Variants in C12orf56 observed in about 807,000 individuals in gnomAD.
C12orf56 encodes the protein uncharacterized protein C12orf56.
In C12orf56, 71 loss-of-function variants were observed where a neutral mutation model predicts 69.9. The observed-to-expected ratio is 1.02, with a 90% CI of 0.84 to 1.24. The LOEUF (loss-of-function observed/expected upper bound fraction) is 1.24, where lower values mean the gene tolerates loss of function less well. Among genes scored for constraint, C12orf56 ranks in the 50% most tolerant of loss-of-function variants. The probability of loss-of-function intolerance (pLI) is 0.00; values close to 1 mark genes in which losing one functional copy is unlikely to be tolerated. For synonymous variants in C12orf56, 276 were observed against 274.1 expected, an observed-to-expected ratio of 1.01 and a Z score of -0.07; for missense variants, 732 against 738.5, an observed-to-expected ratio of 0.99 and a Z score of 0.10.
chr12:64,275,356 A>C lies in C12orf56; in HGVS notation c.1451T>G (p.Leu484Arg). Residue 484 changes from leucine to arginine, a missense_variant, in exon 10 of 13, where the codon CTG becomes CGG. Leu to Arg is a moderately radical substitution (Grantham distance 102). Coordinates refer to ENST00000543942, the MANE Select transcript of C12orf56 (RefSeq NM_001170633.2). The stretch of plus-strand genomic sequence containing the variant: ...TGCTGTAGCAGTATTTGTATACTCC[A>C]GAATAAGCTTCTGTAACTAGAATTT... ...SFDAELQKLI[L>R]EYTNTATALL... 1 of 1,412,998 alleles carries C rather than the reference A, an allele frequency of 7.1e-7. No homozygotes were observed. The highest frequency in any genetic ancestry group is 1.5e-5 in the African/African-American group (1 of 68,774). The allele number at this position is 1,412,998 out of a possible 1,614,324, so 87.5% of individuals were successfully genotyped here. A position where few individuals can be genotyped will look rare whatever the true frequency, so the allele number is the denominator to read the frequency against.
chr12:64,380,456 T>C (rs1565783331), intron 1 of C12orf56, among the ~76,000 whole-genome samples: 1 of 152,224 alleles, frequency 6.6e-6, no homozygotes, highest in African/African-American at 2.4e-5. Flanking sequence ...TGTCAGGGAA[T>C]GTGAGGCACA....
At chr12:64,370,372 C>T (rs11175369) in intron 1 of C12orf56, among the ~76,000 whole-genome samples, 66,605 of 150,952 alleles carry the variant, frequency 0.44, 16,256 homozygotes, top group Non-Finnish European at 0.56. Flanking sequence ...AAAGATAGGC[C>T]GGTTGCGGTG....
intron 5 of C12orf56, among the ~76,000 whole-genome samples, chr12:64,308,940 G>GA (rs35488127): frequency 0.32 from 26,051 of 80,358 alleles, 4,319 homozygotes; most frequent in Middle Eastern, 0.46. Flanking sequence ...AAGAAAGAAA[G>GA]AAGAAAGAAA....
chr12:64,328,514 A>C (rs1592457242), intron 3 of C12orf56, among the ~76,000 whole-genome samples: 17 of 151,404 alleles, frequency 1.1e-4, no homozygotes, highest in Admixed American at 1.1e-3. Context: ...CTCCATCTCT[A>C]CTTAAAATAC....
intron 2 of C12orf56, among the ~76,000 whole-genome samples, chr12:64,348,345 A>G (rs893578215): frequency 5.9e-5 from 9 of 152,210 alleles, no homozygotes; most frequent in Admixed American, 5.2e-4. Flanking sequence ...ATAAAAGCAC[A>G]ACAAGGTACT....
intron 3 of C12orf56, among the ~76,000 whole-genome samples, chr12:64,328,343 C>T (rs2038870318): frequency 6.6e-6 from 1 of 152,106 alleles, no homozygotes; most frequent in South Asian, 2.1e-4. Context: ...GAATCCTACA[C>T]TCCCCTCTTC....
At chr12:64,356,231 A>T (rs2135955454) in intron 1 of C12orf56, among the ~76,000 whole-genome samples, 1 of 151,512 alleles carries the variant, frequency 6.6e-6, no homozygotes, top group Non-Finnish European at 1.5e-5. Flanking sequence ...TATATTTTAC[A>T]GAGAGGTTAT....
chr12:64,362,296 G>A (rs553935484), intron 1 of C12orf56, among the ~76,000 whole-genome samples: 29 of 152,086 alleles, frequency 1.9e-4, no homozygotes, highest in Non-Finnish European at 3.2e-4. Context: ...AACTGTTACC[G>A]GAAAGTGGTC....
chr12:64,279,036 C>T (rs2038090868), intron 8 of C12orf56, among the ~76,000 whole-genome samples: 1 of 152,028 alleles, frequency 6.6e-6, no homozygotes, highest in Admixed American at 6.6e-5. Flanking sequence ...AAGTTTGCTT[C>T]CTTTTCTTGG....
chr12:64,277,764 C>G lies in C12orf56; in HGVS notation c.1350G>C (p.Glu450Asp), dbSNP rs1309281105. The change falls in exon 9 of 13, where the codon GAG becomes GAC. Residue 450 changes from glutamate to aspartate, a missense_variant. Physicochemically the swap from Glu to Asp is conservative, Grantham distance 45 (BLOSUM62 2). Coordinates refer to ENST00000543942, the MANE Select transcript of C12orf56 (RefSeq NM_001170633.2). ...CAGGACAAGATTTTGGAATCTGAGGCTCACTAATTAAAATTACCAAGAGAT... is the reference window on the plus strand; with the variant it reads ...CAGGACAAGATTTTGGAATCTGAGGGTCACTAATTAAAATTACCAAGAGAT... ...LFNLLVILISEPQIPKSCPVF... is the reference protein window; with the variant it reads ...LFNLLVILISDPQIPKSCPVF... The G allele has an allele frequency of 6.2e-7, 1 of 1,602,096 alleles. No individual in the cohort carries two copies.
Position 64,275,278 on chromosome 12 carries a change from A to G in C12orf56, c.1509+20T>C. The G allele has an allele frequency of 8.4e-7, 1 of 1,189,390 alleles. No homozygotes were observed. Among genetic ancestry groups the G allele is most frequent in the Non-Finnish European group, 1.2e-6 (1 of 861,772 alleles). 73.7% of individuals were successfully genotyped at this position (1,189,390 alleles called of 1,614,324 possible). The stretch of plus-strand genomic sequence containing the variant: ...ATAGTTACATAAAATATGTAAAAAT[A>G]TAATTTTTAAAAATTGTACCTGCTG... On this transcript the variant is annotated intron_variant, in intron 10 of 12. Coordinates refer to ENST00000543942, the MANE Select transcript of C12orf56 (RefSeq NM_001170633.2).
chr12:64,352,099 GTTTTTTTTTTTTTTTTGT>G (rs1390395978), intron 2 of C12orf56, among the ~76,000 whole-genome samples: 14 of 148,768 alleles, frequency 9.4e-5, no homozygotes, highest in South Asian at 2.1e-4. Context: ...TTTTGTTTTT[GTTTTTTTTTTTTTTTTGT>G]TTTTTTTTTT....
Position 64,330,971 on chromosome 12 carries a change from T to G in C12orf56, c.477A>C (p.Glu159Asp), listed in dbSNP as rs1006262135. 4 of 1,554,948 alleles carry G rather than the reference T, an allele frequency of 2.6e-6. No individual in the cohort carries two copies. The highest frequency in any genetic ancestry group is 2.6e-6 in the Non-Finnish European group (3 of 1,148,458). The change falls in exon 3 of 13, where the codon GAA becomes GAC. Residue 159 changes from glutamate (E) to aspartate (D), a missense_variant. Transcript: ENST00000543942. ...AACAACAATCTCACCTGAGAGGAGA[T>G]TCTTTCAGACTTCTGGACTCTTTGC... is the stretch of plus-strand genomic sequence containing the variant. ...WRSKESRSLK[E>D]SPLRDQQESS...
chr12:64,307,368 C>CTTTTTTTTTT lies in C12orf56; in HGVS notation c.969-3599_969-3590dup, dbSNP rs748644044. 1.0e-4 allele frequency among the ~76,000 whole-genome samples: 12 copies of CTTTTTTTTTT among 115,248 alleles called. 1 individual carries two copies. Among genetic ancestry groups the CTTTTTTTTTT allele is most frequent in the Non-Finnish European group, 1.5e-4 (9 of 58,856 alleles). The allele number at this position is 115,248 out of a possible 152,430, so 75.6% of individuals were successfully genotyped here. On this transcript the variant is annotated intron_variant, in intron 5 of 12. Transcript: ENST00000543942. ...TCTTTGGTATTGCTGATAGTCAGTC[C>CTTTTTTTTTT]TTTTTTTTTTTTTTTTTTTGAGACG...
At position 64,284,979 on chromosome 12, in the gene C12orf56, A is replaced by G. The variant is rs556115748; in HGVS notation, c.1221-226T>C. Among the ~76,000 whole-genome samples, 24 of 152,328 alleles carry G rather than the reference A, an allele frequency of 1.6e-4. No individual in the cohort carries two copies. In the South Asian group the frequency reaches 5.0e-3, roughly 32 times the overall value. The stretch of plus-strand genomic sequence containing the variant: ...TTGCTGGTCGGGCGGGGTAGCTAAC[A>G]TATCACTCATGCTGTAATCCCAGCA... On this transcript the variant is annotated intron_variant, in intron 7 of 12. Coordinates refer to ENST00000543942, the MANE Select transcript of C12orf56 (RefSeq NM_001170633.2).
chr12:64,281,347 G>A (rs1355418911), intron 8 of C12orf56, among the ~76,000 whole-genome samples: 1 of 152,036 alleles, frequency 6.6e-6, no homozygotes, highest in African/African-American at 2.4e-5. Context: ...GAGGCGGGTG[G>A]ATTGCCTGAG....
chr12:64,286,102 CTG>C lies in C12orf56; in HGVS notation c.1114-44_1114-43del, dbSNP rs772359252. Reference sequence around the variant, plus strand: ...GAAAAAAAGACAGTAATTAAGGTATCTGTTGTTAAAATTCTCTACTCTCATGT... The same window carrying C: ...GAAAAAAAGACAGTAATTAAGGTATCTTGTTAAAATTCTCTACTCTCATGT... On this transcript the variant is annotated intron_variant, in intron 6 of 12. Transcript: ENST00000543942. 12 of 1,285,184 alleles carry C rather than the reference CTG, an allele frequency of 9.3e-6. No individual in the cohort carries two copies. In the East Asian group the frequency reaches 2.8e-4, roughly 30 times the overall value. 79.6% of individuals were successfully genotyped at this position (1,285,184 alleles called of 1,614,324 possible).
intron 1 of C12orf56, among the ~76,000 whole-genome samples, chr12:64,355,039 C>T (rs1022014108): frequency 2.0e-4 from 28 of 141,298 alleles, no homozygotes; most frequent in Middle Eastern, 3.8e-3. Flanking sequence ...GATTGCACCA[C>T]TGCGCTCCAG....
rs2039365105 is a variant in C12orf56 at position 64,359,337 on chromosome 12, AC to A, written c.253-6282del. ...CACTTCTTCAGATCTTCCTTTCCTT[AC>A]AAAGGCTCCCATGTCACATAAAAAA... On this transcript the variant is annotated intron_variant, in intron 1 of 12. Coordinates refer to ENST00000543942, the MANE Select transcript of C12orf56 (RefSeq NM_001170633.2). Among the ~76,000 whole-genome samples the A allele has an allele frequency of 2.0e-5, 3 of 152,306 alleles. No individual in the cohort carries two copies. The East Asian group carries it at 5.8e-4, about 29-fold the overall frequency.
Sources: gnomAD v4.1 joint callset for allele counts (sites outside exome capture counted in the v4.1 genomes callset) on GRCh38, gnomAD v4.1.1 for gene constraint, MANE v1.5 for transcripts, NCBI Gene and HGNC (gene_info 2026-07-23, HGNC 2026-07-21) for gene names.